DMD: variants seen among roughly 807,000 people sequenced by gnomAD.
DMD encodes mutant dystrophin.
Under a neutral mutation model 330.1 loss-of-function variants are expected in DMD, and 63 were observed. The ratio of observed to expected loss-of-function variants is 0.19; its 90% CI spans 0.16 to 0.24. The LOEUF (loss-of-function observed/expected upper bound fraction) is 0.24. Ranked by LOEUF, DMD falls within the 10% of genes least tolerant of loss-of-function variation. DMD has a pLI of 1.00. For missense variants in DMD, 3,344 were observed against 2,684.1 expected (o/e 1.25, Z -5.43); for synonymous variants, 1,223 against 959.8 (o/e 1.27, Z -5.07).
intron 41 of DMD, among the ~76,000 whole-genome samples, chrX:32,319,874 A>G (rs1374065323): frequency 1.8e-5 from 2 of 109,217 alleles, no homozygotes; most frequent in African/African-American, 6.7e-5. Context: ...CTCTTCCCAA[A>G]CTCTTCTCAT....
chrX:32,973,689 C>A (rs765502101), intron 2 of DMD, among the ~76,000 whole-genome samples: 1 of 111,871 alleles, frequency 8.9e-6, no homozygotes, highest in East Asian at 2.8e-4. Context: ...AACAGAACAT[C>A]CCTGCTGTGT....
intron 44 of DMD, among the ~76,000 whole-genome samples, chrX:32,185,332 A>T (rs980810170): frequency 1.8e-5 from 2 of 111,137 alleles, no homozygotes; most frequent in African/African-American, 6.5e-5. Flanking sequence ...GATTAGCCTT[A>T]GGCAAGTTTC....
intron 7 of DMD, among the ~76,000 whole-genome samples, chrX:32,752,540 G>A (rs2070964656): frequency 9.5e-6 from 1 of 105,504 alleles, no homozygotes. Flanking sequence ...GAAGGAAATT[G>A]CCTTATCTAG....
intron 59 of DMD, among the ~76,000 whole-genome samples, chrX:31,463,604 G>A (rs2066669011): frequency 9.0e-6 from 1 of 111,636 alleles, no homozygotes; most frequent in African/African-American, 3.3e-5. Flanking sequence ...CTTTATTCTT[G>A]TCACAACTTT....
intron 7 of DMD, among the ~76,000 whole-genome samples, chrX:32,780,987 A>G (rs58028135): frequency 0.087 from 9,479 of 108,736 alleles, 1,047 homozygotes; most frequent in African/African-American, 0.3. Flanking sequence ...GCATGGTGGC[A>G]GGCGCCTGTA....
chrX:31,752,221 T>G (rs1392367132), intron 51 of DMD, among the ~76,000 whole-genome samples: 1 of 112,024 alleles, frequency 8.9e-6, no homozygotes, highest in Non-Finnish European at 1.9e-5. Context: ...TTCCTGGGAT[T>G]AGGATATGGA....
At chrX:32,889,271 C>T (rs1485535662) in intron 2 of DMD, among the ~76,000 whole-genome samples, 1 of 111,423 alleles carries the variant, frequency 9.0e-6, no homozygotes, top group African/African-American at 3.3e-5. Context: ...TAATTTCCCA[C>T]ATGCCTCCAG....
In DMD at chrX:33,040,803, G is replaced by T. The variant is rs1199637515; in HGVS notation, c.32-20603C>A. Among the ~76,000 whole-genome samples the T allele has an allele frequency of 6.3e-5, 7 of 111,809 alleles. No individual in the cohort carries two copies. In the East Asian group the frequency reaches 2.0e-3, roughly 31 times the overall value. On this transcript the variant is annotated intron_variant, in intron 1 of 78. Coordinates refer to ENST00000357033, the MANE Select transcript of DMD (RefSeq NM_004006.3). ...ATTCACTAAAAAGAAAATGAGACTT[G>T]CAAAAAATAAATAAAACTAAGCAAA...
chrX:32,658,681 T>A (rs1218632079), intron 9 of DMD, among the ~76,000 whole-genome samples: 1 of 110,725 alleles, frequency 9.0e-6, no homozygotes, highest in African/African-American at 3.3e-5. Flanking sequence ...TGGGTCACTT[T>A]CCCACTCTAT....
rs1482968765 is a variant in DMD, at chrX:32,573,522, G to A, written c.1812+8C>T. On this transcript the variant is annotated splice_region_variant and intron_variant, in intron 15 of 78. Coordinates refer to ENST00000357033, the MANE Select transcript of DMD (RefSeq NM_004006.3). Reference sequence around the variant, plus strand: ...TTATAAGACCATTGAAAGCTAGAAAGTACATACGGCCAGTTTTTGAAGACT... The same window carrying A: ...TTATAAGACCATTGAAAGCTAGAAAATACATACGGCCAGTTTTTGAAGACT... 3.3e-6 allele frequency: 4 copies of A among 1,196,060 alleles called. No homozygotes were observed. Among genetic ancestry groups the A allele is most frequent in the Admixed American group, 2.2e-5 (1 of 45,938 alleles).
chrX:32,336,516 C>T (rs1392361976), intron 41 of DMD, among the ~76,000 whole-genome samples: 1 of 111,592 alleles, frequency 9.0e-6, no homozygotes, highest in Non-Finnish European at 1.9e-5. Context: ...CATCTTTTAC[C>T]ACCTCACTTT....
chrX:31,551,162 G>A (rs1302304299), intron 55 of DMD, among the ~76,000 whole-genome samples: 3 of 92,173 alleles, frequency 3.3e-5, no homozygotes, highest in Non-Finnish European at 6.1e-5. Context: ...CCAGGGTGCA[G>A]AGTGAGACTC....
rs2097137218 is a variant in DMD, at chrX:32,223,219, G to T, written c.6291-6156C>A. Among the ~76,000 whole-genome samples the T allele has an allele frequency of 2.7e-5, 3 of 111,832 alleles. No homozygotes were observed. The Admixed American group carries it at 2.9e-4, about 11-fold the overall frequency. Reference sequence around the variant, plus strand: ...TCCAAGATAAAGGCTCTGGCATTTGGTGTCTGGTGAGGGCCTTCCTGCTGT... The same window carrying T: ...TCCAAGATAAAGGCTCTGGCATTTGTTGTCTGGTGAGGGCCTTCCTGCTGT... On this transcript the variant is annotated intron_variant, in intron 43 of 78. Transcript: ENST00000357033.
chrX:32,822,853 C>T (rs1476546474), intron 5 of DMD, among the ~76,000 whole-genome samples: 1 of 110,966 alleles, frequency 9.0e-6, no homozygotes, highest in East Asian at 2.8e-4. Flanking sequence ...GTATGTATTA[C>T]ACACATTTAT....
intron 7 of DMD, among the ~76,000 whole-genome samples, chrX:32,759,904 T>G (rs559514512): frequency 9.2e-6 from 1 of 108,381 alleles, no homozygotes; most frequent in South Asian, 4.0e-4. Context: ...TTCTTCAGGA[T>G]TCTAACAATT....
chrX:33,264,453 T>C (rs748495251), intron 1 of DMD, among the ~76,000 whole-genome samples: 139 of 110,790 alleles, frequency 1.3e-3, no homozygotes, highest in Non-Finnish European at 2.2e-3. Context: ...TATTTCTCTT[T>C]CAGTTTTTAC....
At chrX:31,136,393 G>C (rs754519882) in intron 76 of DMD, among the ~76,000 whole-genome samples, 2 of 111,589 alleles carry the variant, frequency 1.8e-5, no homozygotes, top group Non-Finnish European at 3.8e-5. Context: ...CCATTATCTG[G>C]TGAAGATGAA....
rs745317754 is a variant in DMD, at chrX:32,259,321, G to T, written c.6290+28208C>A. 8.2e-4 allele frequency among the ~76,000 whole-genome samples: 91 copies of T among 110,704 alleles called. 1 individual carries two copies. The highest frequency in any genetic ancestry group is 2.8e-4 in the Non-Finnish European group (15 of 52,916). ...AGTGTGAAATATTTTTCATTTTAAA[G>T]ACTCTTTTACATTTAATATGTATTC... On this transcript the variant is annotated intron_variant, in intron 43 of 78. Coordinates refer to ENST00000357033, the MANE Select transcript of DMD (RefSeq NM_004006.3).
Position 31,270,279 on chromosome X carries a change from G to A in DMD, c.9225-9263C>T, listed in dbSNP as rs182551972. 2.4e-4 allele frequency among the ~76,000 whole-genome samples: 26 copies of A among 107,419 alleles called. 1 individual carries two copies. The East Asian group carries it at 7.0e-3, about 29-fold the overall frequency. 93.3% of individuals were successfully genotyped at this position (107,419 alleles called of 115,157 possible). ...AGTGTTCCGTTTGAATGTACCATCT[G>A]TTTCTCCCAGGACCCTGACCAAACT... On this transcript the variant is annotated intron_variant, in intron 62 of 78. Coordinates refer to ENST00000357033, the MANE Select transcript of DMD (RefSeq NM_004006.3).
Sources: allele counts gnomAD v4.1 joint callset (sites outside exome capture counted in the v4.1 genomes callset), GRCh38; gene constraint gnomAD v4.1.1; transcripts MANE v1.5; gene names NCBI Gene and HGNC (gene_info 2026-07-23, HGNC 2026-07-21).